Variants in PCDH9 observed in about 807,000 individuals in gnomAD.
PCDH9 encodes the protein protocadherin 9, also known as protocadherin-9.
A neutral mutation model predicts 70.6 loss-of-function variants in PCDH9; 24 were observed. That is an observed-to-expected ratio of 0.34 (90% CI 0.25 to 0.48). The LOEUF (loss-of-function observed/expected upper bound fraction) is 0.48. PCDH9 is among the 20% of genes least tolerant of loss of function. The probability of loss-of-function intolerance (pLI) is 0.99; values close to 1 mark genes in which losing one functional copy is unlikely to be tolerated. For synonymous variants in PCDH9, 562 were observed against 558.5 expected, an observed-to-expected ratio of 1.01 and a Z score of -0.09; for missense variants, 1,281 against 1,503.6, an observed-to-expected ratio of 0.85 and a Z score of 2.45.
chr13:66,342,458 A>T (rs1307077374), intron 4 of PCDH9, among the ~76,000 whole-genome samples: 1 of 152,172 alleles, frequency 6.6e-6, no homozygotes, highest in African/African-American at 2.4e-5. Context: ...TGTATTGAGG[A>T]ATTTACTCCT....
chr13:66,541,067 C>A (rs776137408), intron 4 of PCDH9, among the ~76,000 whole-genome samples: 3 of 152,192 alleles, frequency 2.0e-5, no homozygotes, highest in Non-Finnish European at 4.4e-5. Context: ...TTCAAGTCAA[C>A]TAATGATGTA....
chr13:66,514,573 A>T (rs1446892818), intron 4 of PCDH9, among the ~76,000 whole-genome samples: 1 of 152,068 alleles, frequency 6.6e-6, no homozygotes, highest in East Asian at 1.9e-4. Flanking sequence ...ATGTTAAAAA[A>T]TTTAAGTATA....
chr13:66,759,568 C>G (rs12584514), intron 3 of PCDH9, among the ~76,000 whole-genome samples: 12,368 of 151,442 alleles, frequency 0.082, 524 homozygotes, highest in East Asian at 0.14. Flanking sequence ...TTCTTTCTTC[C>G]TCTCTTGTTT....
chr13:66,747,264 T>A (rs540245035), intron 3 of PCDH9, among the ~76,000 whole-genome samples: 1 of 152,258 alleles, frequency 6.6e-6, no homozygotes, highest in East Asian at 1.9e-4. Flanking sequence ...GGCAGGAGAA[T>A]TGCATGAACC....
At chr13:67,170,509 A>G (rs1405457423) in intron 2 of PCDH9, among the ~76,000 whole-genome samples, 1 of 152,226 alleles carries the variant, frequency 6.6e-6, no homozygotes, top group African/African-American at 2.4e-5. Context: ...TCGATTTGCA[A>G]TAGCAAAGGA....
chr13:66,617,892 A>G (rs1593785696), intron 4 of PCDH9, among the ~76,000 whole-genome samples: 1 of 151,990 alleles, frequency 6.6e-6, no homozygotes, highest in Non-Finnish European at 1.5e-5. Flanking sequence ...TGTCAGCAGG[A>G]AGCAGTTCTT....
At chr13:66,546,439 A>T (rs2138669549) in intron 4 of PCDH9, among the ~76,000 whole-genome samples, 1 of 152,278 alleles carries the variant, frequency 6.6e-6, no homozygotes, top group East Asian at 1.9e-4. Context: ...AAAATTTAAA[A>T]TAGAAAAAGC....
chr13:66,903,584 C>A lies in PCDH9; in HGVS notation c.3058G>T (p.Asp1020Tyr), dbSNP rs756936058. 1 of 1,543,840 alleles carries A rather than the reference C, an allele frequency of 6.5e-7. No individual in the cohort carries two copies. Among genetic ancestry groups the A allele is most frequent in the South Asian group, 1.1e-5 (1 of 89,288 alleles). Residue 1020 changes from aspartate to tyrosine, a missense_variant, in exon 3 of 5, where the codon GAC (aspartate) becomes TAC (tyrosine). Transcript: ENST00000377865. ...TTCTGAGGAGTGACAGGAATATTGT[C>A]ACTTTTGCTGTGTGAGTTACACTGA... The part of the protein sequence containing the change: ...TRQCNSHSKS[D>Y]NIPVTPQKCP...
chr13:66,510,870 G>T (rs1169079028), intron 4 of PCDH9, among the ~76,000 whole-genome samples: 1 of 152,058 alleles, frequency 6.6e-6, no homozygotes, highest in East Asian at 1.9e-4. Flanking sequence ...GAGTAGCTAC[G>T]TTTGAATATA....
intron 2 of PCDH9, among the ~76,000 whole-genome samples, chr13:67,172,151 C>T (rs150722490): frequency 6.2e-4 from 94 of 152,286 alleles, no homozygotes; most frequent in African/African-American, 2.2e-3. Flanking sequence ...GGTCATGGTA[C>T]TATTTCAGGC....
chr13:66,446,319 G>A (rs1187730171), intron 4 of PCDH9, among the ~76,000 whole-genome samples: 1 of 151,762 alleles, frequency 6.6e-6, no homozygotes, highest in Non-Finnish European at 1.5e-5. Context: ...TCCACACTCA[G>A]AAATGTTTAA....
chr13:67,167,117 A>G (rs953017867), intron 2 of PCDH9, among the ~76,000 whole-genome samples: 5 of 152,186 alleles, frequency 3.3e-5, no homozygotes, highest in Non-Finnish European at 5.9e-5. Flanking sequence ...TTCATGCTAC[A>G]TTATTTGATT....
chr13:66,588,785 T>C (rs1018231638), intron 4 of PCDH9, among the ~76,000 whole-genome samples: 1 of 112,806 alleles, frequency 8.9e-6, no homozygotes, highest in African/African-American at 3.2e-5. Context: ...TGCCATGTAA[T>C]TGCATGGCTT....
intron 3 of PCDH9, among the ~76,000 whole-genome samples, chr13:66,671,079 A>C (rs1014771877): frequency 6.6e-6 from 1 of 152,098 alleles, no homozygotes; most frequent in Non-Finnish European, 1.5e-5. Context: ...ATAGTGAATA[A>C]GTCTCAAGAG....
At chr13:66,954,320 A>G (rs972271318) in intron 2 of PCDH9, among the ~76,000 whole-genome samples, 2 of 152,174 alleles carry the variant, frequency 1.3e-5, no homozygotes, top group African/African-American at 4.8e-5. Flanking sequence ...CTGCAAGATA[A>G]AAACTATTTT....
chr13:66,664,442 C>A (rs1306731952), intron 3 of PCDH9, among the ~76,000 whole-genome samples: 1 of 146,456 alleles, frequency 6.8e-6, no homozygotes, highest in African/African-American at 2.5e-5. Flanking sequence ...CAGCAATGGG[C>A]TTTTTTTTTT....
intron 2 of PCDH9, among the ~76,000 whole-genome samples, chr13:66,931,847 C>T (rs998210501): frequency 5.9e-5 from 9 of 151,966 alleles, no homozygotes; most frequent in Non-Finnish European, 1.0e-4. Flanking sequence ...CAGCACCCCC[C>T]GACACCCAAA....
chr13:66,423,169 G>A (rs1047133365), intron 4 of PCDH9, among the ~76,000 whole-genome samples: 6 of 152,018 alleles, frequency 3.9e-5, no homozygotes, highest in African/African-American at 1.4e-4. Flanking sequence ...GGAATTAACA[G>A]CCTACCAACC....
intron 4 of PCDH9, among the ~76,000 whole-genome samples, chr13:66,448,833 G>A (rs1958148521): frequency 9.8e-5 from 2 of 20,398 alleles, no homozygotes; most frequent in South Asian, 0.013. Flanking sequence ...TAGTAGATTT[G>A]TTTCAGGAAA....
Sources: allele counts gnomAD v4.1 joint callset (sites outside exome capture counted in the v4.1 genomes callset), GRCh38; gene constraint gnomAD v4.1.1; transcripts MANE v1.5; gene names NCBI Gene and HGNC (gene_info 2026-07-23, HGNC 2026-07-21).